Variants in VRTN observed in about 807,000 individuals in gnomAD.
The protein encoded by VRTN is vertnin.
VRTN carries 5 observed loss-of-function variants against 18.2 expected under a neutral mutation model. The observed-to-expected ratio is 0.27, with a 90% CI of 0.14 to 0.58. The LOEUF is 0.58. VRTN is among the 20% of genes least tolerant of loss of function. VRTN has a pLI of 0.91. For missense variants in VRTN, 741 were observed against 939.4 expected, an observed-to-expected ratio of 0.79 and a Z score of 2.76; for synonymous variants, 381 against 393.7, an observed-to-expected ratio of 0.97 and a Z score of 0.38.
chr14:74,307,792 G>A (rs530499024), intron 1 of VRTN, among the ~76,000 whole-genome samples: 5 of 151,826 alleles, frequency 3.3e-5, no homozygotes, highest in East Asian at 2.0e-4. Context: ...GTGCAGTGGC[G>A]CGATCTTGGC....
intron 1 of VRTN, among the ~76,000 whole-genome samples, chr14:74,331,588 A>G (rs1226703880): frequency 7.7e-6 from 1 of 129,136 alleles, no homozygotes; most frequent in Non-Finnish European, 1.7e-5. Context: ...ATATATATAT[A>G]TACAAAAAAG....
At chr14:74,345,423 C>A (rs913520986), upstream of VRTN, among the ~76,000 whole-genome samples, 2 of 143,362 alleles carry the variant, frequency 1.4e-5, no homozygotes, top group African/African-American at 5.3e-5. Flanking sequence ...ACAATCTCAG[C>A]TCACTGCAAC....
At position 74,357,691 on chromosome 14, in the gene VRTN, C is replaced by T. The variant is rs767002282; in HGVS notation, c.908C>T (p.Ser303Phe). 4 of 1,613,576 alleles carry T rather than the reference C, an allele frequency of 2.5e-6. No homozygotes were observed. The highest frequency in any genetic ancestry group is 3.4e-6 in the Non-Finnish European group (4 of 1,179,962). The part of the protein sequence containing the change: ...KSTFYRWRRQ[S>F]QEHRQKVAAR... ...ACCTTCTACCGCTGGCGGCGGCAGTCCCAGGAGCACCGGCAGAAGGTTGCT... is the reference window on the plus strand; with the variant it reads ...ACCTTCTACCGCTGGCGGCGGCAGTTCCAGGAGCACCGGCAGAAGGTTGCT... Residue 303 changes from serine to phenylalanine, a missense_variant, in exon 2 of 2, where the codon TCC becomes TTC. By Grantham distance (155) the Ser-to-Phe change is radical. This residue lies in a region of VRTN where 494 missense variants were observed against 546.5 expected (regional missense o/e 0.90). Coordinates refer to ENST00000256362, the MANE Select transcript of VRTN (RefSeq NM_018228.3). The surrounding 1 kb of genome is among the most constrained non-coding windows in gnomAD (Gnocchi z 7.8).
intron 1 of VRTN, among the ~76,000 whole-genome samples, chr14:74,317,267 G>A (rs1436776413): frequency 6.6e-6 from 1 of 152,128 alleles, no homozygotes; most frequent in Non-Finnish European, 1.5e-5. Context: ...GGACAGGTTG[G>A]TGGGGACTAT....
chr14:74,349,775 C>T (rs1054984218), intron 1 of VRTN, among the ~76,000 whole-genome samples: 7 of 152,090 alleles, frequency 4.6e-5, no homozygotes, highest in African/African-American at 9.7e-5. Context: ...TTGGTGAAGG[C>T]GAGGCTGTGA....
intron 1 of VRTN, among the ~76,000 whole-genome samples, chr14:74,308,469 C>A (rs990671859): frequency 2.0e-5 from 3 of 152,144 alleles, no homozygotes; most frequent in African/African-American, 7.2e-5. Context: ...CCAGAGAAAT[C>A]TGAACAAATG....
At chr14:74,347,385 CTCT>C (rs1335192837), upstream of VRTN, among the ~76,000 whole-genome samples, 1 of 152,204 alleles carries the variant, frequency 6.6e-6, no homozygotes, top group Non-Finnish European at 1.5e-5. Flanking sequence ...AGTGTGGCGG[CTCT>C]TCTTCCAGTG....
In VRTN at chr14:74,357,996, G is replaced by A. The variant is rs866319871; in HGVS notation, c.1213G>A (p.Ala405Thr). The A allele has an allele frequency of 1.2e-6, 2 of 1,614,228 alleles. No homozygotes were observed. The highest frequency in any genetic ancestry group is 1.7e-6 in the Non-Finnish European group (2 of 1,180,044). ...CCCTGGAATGGTCTTAATGCAGCGG[G>A]CCAAGTTGTACCTGGAGCATTGCAT... is the stretch of plus-strand genomic sequence containing the variant. The part of the protein sequence containing the change: ...SSPGMVLMQR[A>T]KLYLEHCISL... Residue 405 changes from alanine to threonine, a missense_variant, in exon 2 of 2, where the codon GCC becomes ACC. Ala to Thr is a moderately conservative substitution (Grantham distance 58). Around this residue, in one of 3 missense-constraint regions of VRTN, gnomAD observed 494 missense variants for 546.5 expected, o/e 0.90. Coordinates refer to ENST00000256362, the MANE Select transcript of VRTN (RefSeq NM_018228.3). This position sits in a 1 kb window ranked among gnomAD's most constrained non-coding sequence, Gnocchi z 7.8.
chr14:74,342,101 C>A (rs560955105), intron 2 of VRTN, among the ~76,000 whole-genome samples: 6 of 152,104 alleles, frequency 3.9e-5, no homozygotes, highest in Admixed American at 3.9e-4. Context: ...TTGAGATCAG[C>A]CTGGGTATGG....
At chr14:74,319,118 C>G (rs1433313202) in intron 1 of VRTN, among the ~76,000 whole-genome samples, 2 of 152,002 alleles carry the variant, frequency 1.3e-5, no homozygotes, top group African/African-American at 4.8e-5. Flanking sequence ...CTGAAACCTC[C>G]GCCTCCCAGG....
At chr14:74,347,188 A>G (rs901195989), upstream of VRTN, among the ~76,000 whole-genome samples, 1 of 152,170 alleles carries the variant, frequency 6.6e-6, no homozygotes, top group African/African-American at 2.4e-5. Context: ...TAGATGCTAT[A>G]CCCCATTAAC....
intron 1 of VRTN, among the ~76,000 whole-genome samples, chr14:74,353,202 T>C (rs1265893447): frequency 1.3e-5 from 2 of 151,960 alleles, no homozygotes; most frequent in African/African-American, 2.4e-5. Flanking sequence ...GGCAGGAGAA[T>C]CGCTTGAACC....
chr14:74,340,206 AG>A (rs1460304617), intron 2 of VRTN, among the ~76,000 whole-genome samples: 5 of 146,478 alleles, frequency 3.4e-5, no homozygotes, highest in East Asian at 2.0e-4. Flanking sequence ...TCCGCCTCCC[AG>A]GTTCAAGCGA....
chr14:74,344,819 TA>T (rs564632915), upstream of VRTN, among the ~76,000 whole-genome samples: 1 of 149,334 alleles, frequency 6.7e-6, no homozygotes, highest in African/African-American at 2.5e-5. Context: ...TGGCTCTGGA[TA>T]AAAAAATGAA....
At chr14:74,314,499 C>T (rs2085407690) in intron 1 of VRTN, among the ~76,000 whole-genome samples, 1 of 148,124 alleles carries the variant, frequency 6.8e-6, no homozygotes, top group Non-Finnish European at 1.5e-5. Flanking sequence ...TGGGTTCAAG[C>T]AATTCTCCTG....
At chr14:74,355,976 C>T (rs1424593232) in intron 1 of VRTN, among the ~76,000 whole-genome samples, 1 of 152,034 alleles carries the variant, frequency 6.6e-6, no homozygotes, top group Non-Finnish European at 1.5e-5. Context: ...GGACTATAGG[C>T]ACATGCCACT....
At chr14:74,349,440 C>T (rs780732564) in intron 1 of VRTN, among the ~76,000 whole-genome samples, 11 of 152,168 alleles carry the variant, frequency 7.2e-5, no homozygotes, top group African/African-American at 1.7e-4. Context: ...AGGGGAGAAT[C>T]GAACCCACAG....
chr14:74,354,410 T>G (rs1304800762), intron 1 of VRTN, among the ~76,000 whole-genome samples: 1 of 149,242 alleles, frequency 6.7e-6, no homozygotes, highest in Non-Finnish European at 1.5e-5. Flanking sequence ...AATCCATGGG[T>G]CTTTTTTTTT....
intron 1 of VRTN, among the ~76,000 whole-genome samples, chr14:74,337,354 A>G (rs146090913): frequency 0.073 from 10,991 of 150,186 alleles, 560 homozygotes; most frequent in Non-Finnish European, 0.11. Flanking sequence ...AAAAACAAAA[A>G]ACAAACAAAA....
Sources: gnomAD v4.1 joint callset for allele counts (sites outside exome capture counted in the v4.1 genomes callset) on GRCh38, gnomAD v4.1.1 for gene constraint, gnomAD v4.1.1 regional missense constraint, Gnocchi (gnomAD v3.1) non-coding constraint, MANE v1.5 for transcripts, NCBI Gene and HGNC (gene_info 2026-07-23, HGNC 2026-07-21) for gene names.